Variants in ARL1 observed in about 807,000 individuals in gnomAD.
ARL1 encodes the protein ADP-ribosylation factor-like protein 1.
ARL1 carries 17 observed loss-of-function variants against 30.1 expected under a neutral mutation model. The observed-to-expected ratio is 0.56, with a 90% CI of 0.39 to 0.85. ARL1 has a LOEUF of 0.85. ARL1 is among the 40% of genes least tolerant of loss of function. The probability of loss-of-function intolerance (pLI) is 0.00; values close to 1 mark genes in which losing one functional copy is unlikely to be tolerated. For synonymous variants in ARL1, 58 were observed against 71.7 expected (o/e 0.81, Z 0.97); for missense variants, 102 against 212.6 (o/e 0.48, Z 3.24).
At position 101,395,726 on chromosome 12, in the gene ARL1, T is replaced by C. The variant is rs1329057767; in HGVS notation, c.516-56A>G. 5 of 1,273,010 alleles carry C rather than the reference T, an allele frequency of 3.9e-6. No individual in the cohort carries two copies. In the African/African-American group the frequency reaches 5.9e-5, roughly 15 times the overall value. 78.9% of individuals were successfully genotyped at this position (1,273,010 alleles called of 1,614,324 possible). A position where few individuals can be genotyped will look rare whatever the true frequency, so the allele number is the denominator to read the frequency against. On this transcript the variant is annotated intron_variant, in intron 5 of 5. Coordinates refer to ENST00000261636, the MANE Select transcript of ARL1 (RefSeq NM_001177.6). ...ATTAATTTTCAGGTATAAAGCATGA[T>C]CATCTATAATAAACTTTGTATTGGA...
intron 5 of ARL1, among the ~76,000 whole-genome samples, chr12:101,395,981 A>C (rs577857387): frequency 6.6e-6 from 1 of 152,216 alleles, no homozygotes; most frequent in Non-Finnish European, 1.5e-5. Flanking sequence ...TGAGTAGATG[A>C]ACAAATCAAA....
At chr12:101,404,168 A>T (rs1242660158) in intron 2 of ARL1, among the ~76,000 whole-genome samples, 2 of 152,218 alleles carry the variant, frequency 1.3e-5, no homozygotes, top group African/African-American at 4.8e-5. Flanking sequence ...TAGGAGTGTA[A>T]TCACAATGTT....
At chr12:101,402,117 G>A (rs927418282) in intron 3 of ARL1, among the ~76,000 whole-genome samples, 1 of 152,166 alleles carries the variant, frequency 6.6e-6, no homozygotes, top group East Asian at 1.9e-4. Flanking sequence ...AACATTCACT[G>A]TTGCCATGTC....
intron 3 of ARL1, among the ~76,000 whole-genome samples, chr12:101,402,353 T>C (rs1378795975): frequency 6.6e-6 from 1 of 152,118 alleles, no homozygotes; most frequent in East Asian, 1.9e-4. Flanking sequence ...CATGCCCAGC[T>C]AATTTTTGTA....
Position 101,402,771 on chromosome 12 carries a change from A to G in ARL1, c.224+94T>C, listed in dbSNP as rs1871340125. The G allele has an allele frequency of 4.1e-6, 3 of 738,804 alleles. No individual in the cohort carries two copies. The East Asian group carries it at 8.3e-5, about 20-fold the overall frequency. 45.8% of individuals were successfully genotyped at this position (738,804 alleles called of 1,614,324 possible). A position where few individuals can be genotyped will look rare whatever the true frequency, so the allele number is the denominator to read the frequency against. ...TAAACTAGGTGGCTCCATTTAAATT[A>G]CAATAGAACACATATTCGGGTTTAC... On this transcript the variant is annotated intron_variant, in intron 3 of 5. Transcript: ENST00000261636.
intron 4 of ARL1, among the ~76,000 whole-genome samples, chr12:101,399,112 T>C (rs1204237210): frequency 6.6e-6 from 1 of 151,580 alleles, no homozygotes; most frequent in Non-Finnish European, 1.5e-5. Context: ...TATAATGCTA[T>C]GATGTAAAAA....
At chr12:101,405,368 T>G (rs1326434576) in intron 2 of ARL1, among the ~76,000 whole-genome samples, 3 of 152,236 alleles carry the variant, frequency 2.0e-5, no homozygotes, top group African/African-American at 7.2e-5. Context: ...AAAGGTACTT[T>G]TACCTACTTT....
intron 4 of ARL1, among the ~76,000 whole-genome samples, chr12:101,397,125 A>G (rs1361273093): frequency 6.6e-6 from 1 of 152,232 alleles, no homozygotes; most frequent in Non-Finnish European, 1.5e-5. Context: ...ATGGAGTCAA[A>G]GTATGAACAG....
At chr12:101,402,646 T>G (rs1871337767) in intron 3 of ARL1, among the ~76,000 whole-genome samples, 1 of 152,220 alleles carries the variant, frequency 6.6e-6, no homozygotes, top group Non-Finnish European at 1.5e-5. Context: ...GAGATTTTCG[T>G]GAAAAGATTT....
chr12:101,399,987 G>A (rs1871260370), intron 4 of ARL1, among the ~76,000 whole-genome samples: 1 of 152,044 alleles, frequency 6.6e-6, no homozygotes, highest in South Asian at 2.1e-4. Flanking sequence ...TAGTGCAGGG[G>A]CACGATCTCG....
At chr12:101,399,393 T>A (rs181037532) in intron 4 of ARL1, among the ~76,000 whole-genome samples, 2 of 151,666 alleles carry the variant, frequency 1.3e-5, no homozygotes, top group Admixed American at 1.3e-4. Context: ...AAGCCTATAG[T>A]CCCAGCTACT....
intron 4 of ARL1, among the ~76,000 whole-genome samples, chr12:101,397,474 G>C (rs1005345822): frequency 3.3e-5 from 5 of 151,958 alleles, no homozygotes; most frequent in Admixed American, 6.6e-5. Context: ...TCCAGCCTAG[G>C]GGACAGAGGG....
chr12:101,407,539 G>A, intron 1 of ARL1, 103 bp downstream of exon 1: 10 of 1,484,768 alleles, frequency 6.7e-6, no homozygotes, highest in Non-Finnish European at 9.2e-6. Flanking sequence ...CTGAGGAGCT[G>A]GCTACTCTAG....
In ARL1 at chr12:101,394,739, CAAAT is replaced by C. The variant is rs370489966; in HGVS notation, c.*897_*900del. ...CACTGATCACTTCTACTAGTATAGA[CAAAT>C]AAATTTATAAACATTATTTTGAATG... is the stretch of plus-strand genomic sequence containing the variant. On this transcript the variant is annotated 3_prime_UTR_variant, in exon 6 of 6. Coordinates refer to ENST00000261636, the MANE Select transcript of ARL1 (RefSeq NM_001177.6). The C allele has an allele frequency of 8.5e-5, 13 of 152,176 alleles. No homozygotes were observed. In the East Asian group the frequency reaches 2.3e-3, roughly 27 times the overall value. The allele number at this position is 152,176 out of a possible 1,614,324, so 9.4% of individuals were successfully genotyped here. A position where few individuals can be genotyped will look rare whatever the true frequency, so the allele number is the denominator to read the frequency against.
Position 101,395,633 on chromosome 12 carries a change from G to A in ARL1, c.*7C>T, listed in dbSNP as rs769264006. On this transcript the variant is annotated 3_prime_UTR_variant, in exon 6 of 6. Transcript: ENST00000261636. Reference sequence around the variant, plus strand: ...GTCTTCATTTCAGGGGAGAAGAATGGACTGAATTACTGTCTGCTTTTTAAT... The same window carrying A: ...GTCTTCATTTCAGGGGAGAAGAATGAACTGAATTACTGTCTGCTTTTTAAT... The A allele has an allele frequency of 6.3e-6, 10 of 1,578,766 alleles. No individual in the cohort carries two copies. The highest frequency in any genetic ancestry group is 8.6e-6 in the Non-Finnish European group (10 of 1,158,656).
chr12:101,407,247 G>C (rs1274929359), intron 1 of ARL1: 1 of 252,012 alleles, frequency 4.0e-6, no homozygotes, highest in African/African-American at 2.2e-5. Flanking sequence ...TGGGGCCGCA[G>C]CTCATCTTTC....
Position 101,407,715 on chromosome 12 carries a change from T to C in ARL1, c.-70A>G. 17 of 1,606,560 alleles carry C rather than the reference T, an allele frequency of 1.1e-5. No individual in the cohort carries two copies. The South Asian group carries it at 1.8e-4, about 17-fold the overall frequency. On this transcript the variant is annotated 5_prime_UTR_variant, in exon 1 of 6. Transcript: ENST00000261636. ...GCCTTCGGCTGCAGCTCCGAGGCGG[T>C]TTCCTCGCAAGCCCAGTCAGCCAGC... is the stretch of plus-strand genomic sequence containing the variant.
chr12:101,399,658 A>G (rs1345314310), intron 4 of ARL1, among the ~76,000 whole-genome samples: 1 of 152,128 alleles, frequency 6.6e-6, no homozygotes, highest in Non-Finnish European at 1.5e-5. Context: ...TTTTGACAAG[A>G]GAAAGAAACT....
intron 4 of ARL1, among the ~76,000 whole-genome samples, chr12:101,397,643 G>C (rs569677102): frequency 1.3e-5 from 2 of 152,038 alleles, no homozygotes; most frequent in Non-Finnish European, 2.9e-5. Context: ...GGGACTACAG[G>C]TGCCCGCTGC....
Sources: gnomAD v4.1 joint callset for allele counts (sites outside exome capture counted in the v4.1 genomes callset) on GRCh38, gnomAD v4.1.1 for gene constraint, MANE v1.5 for transcripts, NCBI Gene and HGNC (gene_info 2026-07-23, HGNC 2026-07-21) for gene names.